The following SLC14A2 variants were observed in gnomAD, a reference collection of about 807,000 sequenced individuals.
The protein encoded by SLC14A2 is solute carrier family 14 member 2.
A neutral mutation model predicts 104.6 loss-of-function variants in SLC14A2; 91 were observed. The ratio of observed to expected loss-of-function variants is 0.87; its 90% confidence interval spans 0.73 to 1.04. The LOEUF (loss-of-function observed/expected upper bound fraction) is 1.04, where lower values mean the gene tolerates loss of function less well. Among genes scored for constraint, SLC14A2 ranks in the 50% least tolerant of loss-of-function variants. SLC14A2 has a pLI of 0.00. For synonymous variants in SLC14A2, 476 were observed against 466.4 expected, an observed-to-expected ratio of 1.02 and a Z score of -0.27; for missense variants, 1,189 against 1,156.0, an observed-to-expected ratio of 1.03 and a Z score of -0.41.
At chr18:45,662,112 G>C (rs1266474674) in intron 10 of SLC14A2, among the ~76,000 whole-genome samples, 1 of 152,198 alleles carries the variant, frequency 6.6e-6, no homozygotes, top group Non-Finnish European at 1.5e-5. Context: ...AGACCAGCCT[G>C]GCCAAGATGG....
At chr18:45,349,143 G>T (rs1171729733) in intron 1 of SLC14A2, among the ~76,000 whole-genome samples, 3 of 152,208 alleles carry the variant, frequency 2.0e-5, no homozygotes, top group Admixed American at 6.5e-5. Context: ...TCATAAAGGT[G>T]CTTCCTGTTC....
At chr18:45,315,497 G>C (rs2085120526) in intron 1 of SLC14A2, among the ~76,000 whole-genome samples, 1 of 152,180 alleles carries the variant, frequency 6.6e-6, no homozygotes, top group Admixed American at 6.5e-5. Flanking sequence ...CAGTGAGCAA[G>C]TGGAGCCTGA....
chr18:45,188,731 C>T, the SLC14A2 span, among the ~76,000 whole-genome samples: 35,625 of 152,102 alleles, frequency 0.23, 4,503 homozygotes, highest in Non-Finnish European at 0.3. Context: ...TCTTTCCTTG[C>T]CCAATCAATT....
chr18:45,233,138 T>C (rs977734029), intron 1 of SLC14A2, among the ~76,000 whole-genome samples: 19 of 152,176 alleles, frequency 1.2e-4, no homozygotes, highest in Non-Finnish European at 2.4e-4. Context: ...GGTTCAACAA[T>C]GGAATCCACA....
intron 1 of SLC14A2, among the ~76,000 whole-genome samples, chr18:45,388,304 C>A (rs534522780): frequency 1.3e-5 from 2 of 152,116 alleles, no homozygotes; most frequent in South Asian, 4.2e-4. Flanking sequence ...CCTCGTGATC[C>A]ACCTGCCTTG....
intron 1 of SLC14A2, among the ~76,000 whole-genome samples, chr18:45,472,361 G>A (rs2087266810): frequency 6.6e-6 from 1 of 152,152 alleles, no homozygotes; most frequent in African/African-American, 2.4e-5. Context: ...CTTTATAGTG[G>A]CATGATTTAT....
chr18:45,542,948 A>G (rs961589150), intron 2 of SLC14A2, among the ~76,000 whole-genome samples: 20 of 152,100 alleles, frequency 1.3e-4, no homozygotes, highest in African/African-American at 4.8e-4. Context: ...ATATTATTTA[A>G]TATGCGTCTC....
chr18:45,623,957 A>G (rs1395981816), intron 1 of SLC14A2, among the ~76,000 whole-genome samples: 1 of 152,204 alleles, frequency 6.6e-6, no homozygotes, highest in Non-Finnish European at 1.5e-5. Flanking sequence ...GCCAGACAAA[A>G]CCAGGAAACT....
At chr18:45,584,778 T>C (rs774189269) in intron 2 of SLC14A2, among the ~76,000 whole-genome samples, 2 of 152,222 alleles carry the variant, frequency 1.3e-5, no homozygotes, top group African/African-American at 4.8e-5. Flanking sequence ...TATGCTTCTA[T>C]AATCTGACTT....
intron 1 of SLC14A2, among the ~76,000 whole-genome samples, chr18:45,430,161 T>C (rs1462009120): frequency 1.3e-5 from 2 of 152,224 alleles, no homozygotes; most frequent in Non-Finnish European, 2.9e-5. Context: ...GTCTTAGAAG[T>C]CCATTGCTAA....
chr18:45,323,135 G>C (rs1381893307), intron 1 of SLC14A2, among the ~76,000 whole-genome samples: 1 of 152,138 alleles, frequency 6.6e-6, no homozygotes, highest in Non-Finnish European at 1.5e-5. Flanking sequence ...AACTAATTAT[G>C]ATGGGAACCA....
At position 45,251,856 on chromosome 18, in the gene SLC14A2, C is replaced by T. The variant is rs2084426925; in HGVS notation, c.-125+38665C>T. Among the ~76,000 whole-genome samples, 4 of 152,182 alleles carry T rather than the reference C, an allele frequency of 2.6e-5. No homozygotes were observed. In the South Asian group the frequency reaches 8.3e-4, roughly 32 times the overall value. On this transcript the variant is annotated intron_variant, in intron 1 of 20. Transcript: ENST00000586448. The stretch of plus-strand genomic sequence containing the variant: ...ATGAATTTTGGGAGCACACAGTAAG[C>T]CCATAACATGTAGCAAATAGAGTAT...
At chr18:45,255,669 G>A (rs1403319171) in intron 1 of SLC14A2, among the ~76,000 whole-genome samples, 5 of 152,208 alleles carry the variant, frequency 3.3e-5, no homozygotes, top group African/African-American at 4.8e-5. Context: ...GCTAGGTCAC[G>A]TGGTGTCCAT....
In SLC14A2 at chr18:45,594,761, T is replaced by A. The variant is rs146950558; in HGVS notation, c.-34-29870T>A. ...TTCTAGCTCTAAACTCTGGAACTCT[T>A]GGAAACAAGTCAGAACTCTAGAGCC... On this transcript the variant is annotated intron_variant, in intron 2 of 20. Transcript: ENST00000586448. Among the ~76,000 whole-genome samples, 262 of 152,296 alleles carry A rather than the reference T, an allele frequency of 1.7e-3. 3 individuals are homozygous for A. The highest frequency in any genetic ancestry group is 0.016 in the East Asian group (83 of 5,192).
chr18:45,174,213 A>T, the SLC14A2 span, among the ~76,000 whole-genome samples: 1 of 151,998 alleles, frequency 6.6e-6, no homozygotes, highest in African/African-American at 2.4e-5. Flanking sequence ...GTCATAGAAG[A>T]TCTCTCCCAC....
intron 1 of SLC14A2, among the ~76,000 whole-genome samples, chr18:45,396,312 T>C (rs564332279): frequency 1.3e-5 from 2 of 152,312 alleles, no homozygotes; most frequent in African/African-American, 4.8e-5. Flanking sequence ...ATTGGTAAAA[T>C]AAAACTGCTG....
At chr18:45,608,711 C>T (rs1417024985) in intron 2 of SLC14A2, among the ~76,000 whole-genome samples, 3 of 152,214 alleles carry the variant, frequency 2.0e-5, no homozygotes, top group South Asian at 4.1e-4. Flanking sequence ...AGCATCTTGG[C>T]AAATGCCTTC....
At chr18:45,524,663 A>G (rs542219221) in intron 2 of SLC14A2, among the ~76,000 whole-genome samples, 1 of 152,378 alleles carries the variant, frequency 6.6e-6, no homozygotes, top group East Asian at 1.9e-4. Flanking sequence ...TTCAGGGCTC[A>G]TTTAGAGAAA....
At chr18:45,274,202 T>A (rs2084679015) in intron 1 of SLC14A2, among the ~76,000 whole-genome samples, 1 of 152,146 alleles carries the variant, frequency 6.6e-6, no homozygotes, top group Non-Finnish European at 1.5e-5. Context: ...TCAGCTGTGA[T>A]TTGGCTGGGT....
Sources: gnomAD v4.1 joint callset for allele counts (sites outside exome capture counted in the v4.1 genomes callset) on GRCh38, gnomAD v4.1.1 for gene constraint, MANE v1.5 for transcripts, NCBI Gene and HGNC (gene_info 2026-07-23, HGNC 2026-07-21) for gene names.